UBASH3A: variants seen among roughly 807,000 people sequenced by gnomAD.
The protein encoded by UBASH3A is ubiquitin-associated and SH3 domain-containing protein A.
Under a neutral mutation model 73.5 loss-of-function variants are expected in UBASH3A, and 63 were observed. The ratio of observed to expected loss-of-function variants is 0.86; its 90% confidence interval spans 0.70 to 1.06. The LOEUF is 1.06. UBASH3A is among the 50% of genes least tolerant of loss of function. UBASH3A has a pLI of 0.00. For missense variants in UBASH3A, 860 were observed against 859.0 expected (o/e 1.00, Z -0.02); for synonymous variants, 363 against 351.1 (o/e 1.03, Z -0.38).
intron 7 of UBASH3A, among the ~76,000 whole-genome samples, chr21:42,421,418 G>A (rs987906276): frequency 1.3e-5 from 2 of 152,158 alleles, no homozygotes; most frequent in African/African-American, 2.4e-5. Flanking sequence ...CCAGGCAGGA[G>A]GTCTTAAAAC....
At chr21:42,434,740 C>T (rs2053596599) in intron 9 of UBASH3A, 92 bp from the exon 10 acceptor site, 4 of 1,335,416 alleles carry the variant, frequency 3.0e-6, no homozygotes. Context: ...AATAACATTG[C>T]TGTTAGAGTG....
At chr21:42,441,620 G>A (rs1163750548) in intron 11 of UBASH3A, among the ~76,000 whole-genome samples, 3 of 131,806 alleles carry the variant, frequency 2.3e-5, no homozygotes, top group African/African-American at 8.7e-5. Flanking sequence ...GGTTGATGGG[G>A]GAGGACTCGG....
At chr21:42,437,943 A>G (rs571746212) in intron 11 of UBASH3A, among the ~76,000 whole-genome samples, 167 of 152,332 alleles carry the variant, frequency 1.1e-3, no homozygotes, top group African/African-American at 3.9e-3. Context: ...TCTGAATTGC[A>G]TGACCCTTCC....
At chr21:42,441,839 C>T (rs2053751819) in intron 11 of UBASH3A, among the ~76,000 whole-genome samples, 1 of 152,222 alleles carries the variant, frequency 6.6e-6, no homozygotes, top group South Asian at 2.1e-4. Context: ...ACATCTTCTC[C>T]ATTCCCAGTG....
At chr21:42,438,787 C>T (rs1042240303) in intron 11 of UBASH3A, among the ~76,000 whole-genome samples, 1 of 151,814 alleles carries the variant, frequency 6.6e-6, no homozygotes, top group African/African-American at 2.4e-5. Context: ...TGCACCATGG[C>T]GGGGCTGCAG....
chr21:42,417,765 A>G (rs2053244453), intron 6 of UBASH3A, among the ~76,000 whole-genome samples: 1 of 152,092 alleles, frequency 6.6e-6, no homozygotes, highest in South Asian at 2.1e-4. Context: ...ACACCGAGGA[A>G]GGCGGATGTG....
At chr21:42,444,706 C>G in intron 14 of UBASH3A, 63 bp downstream of exon 14, 2 of 1,285,666 alleles carry the variant, frequency 1.6e-6, no homozygotes, top group Non-Finnish European at 1.1e-6. Context: ...ACAGGTTTAT[C>G]TCATCCACTT....
chr21:42,417,596 T>C (rs1205419522), intron 6 of UBASH3A: 1 of 152,176 alleles, frequency 6.6e-6, no homozygotes, highest in Non-Finnish European at 1.5e-5. Flanking sequence ...GTGAGCACAA[T>C]TCACTTTAAA....
chr21:42,405,771 G>C (rs2052956006), intron 1 of UBASH3A, among the ~76,000 whole-genome samples: 1 of 152,172 alleles, frequency 6.6e-6, no homozygotes, highest in African/African-American at 2.4e-5. Flanking sequence ...TGTGTTCAGG[G>C]AGTTCTTGGT....
chr21:42,442,563 AAG>A lies in UBASH3A; in HGVS notation c.1601_1602del (p.Glu534GlyfsTer6). 6.2e-7 allele frequency: 1 copy of A among 1,614,088 alleles called. No individual in the cohort carries two copies. The highest frequency in any genetic ancestry group is 1.7e-5 in the Admixed American group (1 of 59,982). Reference sequence around the variant, plus strand: ...ACCCTCATGAGCCTGGAAGAGCTGAAAGAGGCAAATTTCAACATTGACACTGA... The same window carrying A: ...ACCCTCATGAGCCTGGAAGAGCTGAAAGGCAAATTTCAACATTGACACTGA... On this transcript the variant is annotated frameshift_variant, in exon 12 of 15. Transcript: ENST00000319294. LOFTEE classifies it high-confidence loss of function.
chr21:42,408,568 T>G (rs1384602215), intron 2 of UBASH3A, among the ~76,000 whole-genome samples: 1 of 152,208 alleles, frequency 6.6e-6, no homozygotes, highest in African/African-American at 2.4e-5. Context: ...GGTCTGTCCT[T>G]AAGTCCTGCT....
Position 42,413,661 on chromosome 21 carries a change from C to A in UBASH3A, c.667+138C>A. The A allele has an allele frequency of 1.5e-6, 1 of 676,962 alleles. No homozygotes were observed. 41.9% of individuals were successfully genotyped at this position (676,962 alleles called of 1,614,324 possible). On this transcript the variant is annotated intron_variant, in intron 5 of 14. Transcript: ENST00000319294. This position sits in a 1 kb window ranked among gnomAD's most constrained non-coding sequence, Gnocchi z 4.5. ...AAGTGCCCCAGAAGGGTGTGCCAAG[C>A]ATCAAGCCTGAGTGGGTGACTGTGA...
At position 42,413,129 on chromosome 21, in the gene UBASH3A, A is replaced by G; in HGVS notation, c.460A>G (p.Ile154Val). Residue 154 changes from isoleucine (I) to valine (V), a missense_variant, in exon 4 of 15, where the codon ATC (isoleucine) becomes GTC (valine). Transcript: ENST00000319294. This position sits in a 1 kb window ranked among gnomAD's most constrained non-coding sequence, Gnocchi z 4.5. Reference sequence around the variant, plus strand: ...CGTGCCTCTGGCTCTCCACTCCTCCATCAGCTACCTCGGCTTCTTCGTCAG... The same window carrying G: ...CGTGCCTCTGGCTCTCCACTCCTCCGTCAGCTACCTCGGCTTCTTCGTCAG... ...TAVPLALHSS[I>V]SYLGFFVSGS... 1 of 1,614,182 alleles carries G rather than the reference A, an allele frequency of 6.2e-7. No individual in the cohort carries two copies. Among genetic ancestry groups the G allele is most frequent in the Non-Finnish European group, 8.5e-7 (1 of 1,180,032 alleles).
At chr21:42,430,054 T>G (rs1196666283) in intron 8 of UBASH3A, among the ~76,000 whole-genome samples, 1 of 152,124 alleles carries the variant, frequency 6.6e-6, no homozygotes, top group African/African-American at 2.4e-5. Flanking sequence ...CCACAGGATC[T>G]GGCAGGAGCT....
chr21:42,419,093 G>A (rs1453046437), intron 7 of UBASH3A, among the ~76,000 whole-genome samples: 1 of 152,178 alleles, frequency 6.6e-6, no homozygotes, highest in African/African-American at 2.4e-5. Flanking sequence ...GGGTCTCAAG[G>A]CTGTAATCAA....
chr21:42,442,025 A>G (rs2053754868), intron 11 of UBASH3A, among the ~76,000 whole-genome samples: 1 of 152,144 alleles, frequency 6.6e-6, no homozygotes, highest in Non-Finnish European at 1.5e-5. Flanking sequence ...TTTATCAGGA[A>G]AGTGCCTCAT....
chr21:42,438,540 C>T (rs943135707), intron 11 of UBASH3A, among the ~76,000 whole-genome samples: 28 of 152,044 alleles, frequency 1.8e-4, no homozygotes, highest in Non-Finnish European at 8.8e-5. Context: ...CCAGCTTAGA[C>T]CGGGAGTAGG....
intron 3 of UBASH3A, chr21:42,410,095 C>A (rs553190771): frequency 2.8e-6 from 2 of 702,418 alleles, no homozygotes; most frequent in East Asian, 5.4e-5. Context: ...CCCACAAATG[C>A]AGAACTTTTC....
intron 11 of UBASH3A, among the ~76,000 whole-genome samples, chr21:42,439,019 A>T (rs896178192): frequency 2.6e-5 from 4 of 152,080 alleles, no homozygotes; most frequent in African/African-American, 9.7e-5. Flanking sequence ...TTCAATGCAC[A>T]CATGTGCATT....
Sources: gnomAD v4.1 joint callset for allele counts (sites outside exome capture counted in the v4.1 genomes callset) on GRCh38, gnomAD v4.1.1 for gene constraint, Gnocchi (gnomAD v3.1) non-coding constraint, MANE v1.5 for transcripts, NCBI Gene and HGNC (gene_info 2026-07-23, HGNC 2026-07-21) for gene names.